SPMIP2: variants seen among roughly 807,000 people sequenced by gnomAD.
SPMIP2 encodes sperm microtubule inner protein 2.
chr4:159,034,909 A>C, the SPMIP2 span: 3 of 756,928 alleles, frequency 4.0e-6, no homozygotes, highest in Non-Finnish European at 6.3e-6. Flanking sequence ...AAACCCAAAA[A>C]ACAAACAAAA....
the SPMIP2 span, among the ~76,000 whole-genome samples, chr4:158,997,678 G>T: frequency 6.6e-6 from 1 of 152,008 alleles, no homozygotes; most frequent in Non-Finnish European, 1.5e-5. Context: ...TTAGAGACAG[G>T]GTCTCACTCT....
chr4:158,938,843 G>A, the SPMIP2 span, among the ~76,000 whole-genome samples: 1 of 152,188 alleles, frequency 6.6e-6, no homozygotes, highest in African/African-American at 2.4e-5. Context: ...AGCACATCAG[G>A]TTTTCTCCTG....
the SPMIP2 span, among the ~76,000 whole-genome samples, chr4:159,053,220 T>C: frequency 8.5e-5 from 13 of 152,096 alleles, no homozygotes; most frequent in African/African-American, 2.9e-4. Flanking sequence ...CCTCCCAAAG[T>C]GCTGGGATTA....
chr4:159,036,491 G>A, the SPMIP2 span, among the ~76,000 whole-genome samples: 1 of 152,162 alleles, frequency 6.6e-6, no homozygotes, highest in African/African-American at 2.4e-5. Flanking sequence ...AGGCTGTGTT[G>A]AGCCCTTACA....
chr4:158,985,737 C>T, the SPMIP2 span, among the ~76,000 whole-genome samples: 1 of 152,024 alleles, frequency 6.6e-6, no homozygotes, highest in East Asian at 1.9e-4. Flanking sequence ...ACAGGGATGC[C>T]CTCTCTCACC....
chr4:158,963,293 T>TTTTG, the SPMIP2 span, among the ~76,000 whole-genome samples: 1 of 152,002 alleles, frequency 6.6e-6, no homozygotes, highest in Non-Finnish European at 1.5e-5. Context: ...TTTGTTTTTT[T>TTTTG]TTTGTTTGTT....
chr4:158,932,362 G>T, the SPMIP2 span, among the ~76,000 whole-genome samples: 4 of 152,254 alleles, frequency 2.6e-5, no homozygotes, highest in Middle Eastern at 6.8e-3. Flanking sequence ...GCTACTTAGG[G>T]ATCAGCTGAG....
the SPMIP2 span, among the ~76,000 whole-genome samples, chr4:159,032,130 G>A: frequency 6.6e-6 from 1 of 152,002 alleles, no homozygotes; most frequent in East Asian, 1.9e-4. Flanking sequence ...GCTGAGGCAC[G>A]AGAATCACTT....
chr4:158,994,494 C>T, the SPMIP2 span, among the ~76,000 whole-genome samples: 2 of 152,134 alleles, frequency 1.3e-5, no homozygotes, highest in Non-Finnish European at 2.9e-5. Context: ...AGGATGAGAG[C>T]TCACAGTTAC....
chr4:159,082,841 G>C, the SPMIP2 span, among the ~76,000 whole-genome samples: 1 of 152,072 alleles, frequency 6.6e-6, no homozygotes, highest in Non-Finnish European at 1.5e-5. Flanking sequence ...CCAGCACTTT[G>C]GGAGGCTGAG....
chr4:159,066,567 G>A, the SPMIP2 span, among the ~76,000 whole-genome samples: 4 of 143,058 alleles, frequency 2.8e-5, no homozygotes, highest in African/African-American at 1.0e-4. Context: ...TATATGTATG[G>A]GATGACATAC....
chr4:159,070,477 C>T, the SPMIP2 span, among the ~76,000 whole-genome samples: 3 of 152,104 alleles, frequency 2.0e-5, no homozygotes, highest in African/African-American at 4.8e-5. Flanking sequence ...TAAGCTTTGA[C>T]CTACACAAAC....
At chr4:159,017,451 T>A in the SPMIP2 span, among the ~76,000 whole-genome samples, 1 of 152,016 alleles carries the variant, frequency 6.6e-6, no homozygotes, top group East Asian at 1.9e-4. Flanking sequence ...TCCAACAATT[T>A]TTTTTTTAAG....
chr4:159,059,468 G>A, the SPMIP2 span, among the ~76,000 whole-genome samples: 1 of 152,200 alleles, frequency 6.6e-6, no homozygotes, highest in East Asian at 1.9e-4. Context: ...CATCTCCTGG[G>A]CTCAAGCTGT....
the SPMIP2 span, among the ~76,000 whole-genome samples, chr4:158,901,678 TGTTC>T: frequency 1.3e-5 from 2 of 151,968 alleles, no homozygotes; most frequent in African/African-American, 2.4e-5. Flanking sequence ...TTGGAGGCTT[TGTTC>T]GTTTGTTTTC....
At chr4:158,903,641 A>G in the SPMIP2 span, among the ~76,000 whole-genome samples, 1 of 152,210 alleles carries the variant, frequency 6.6e-6, no homozygotes, top group African/African-American at 2.4e-5. Context: ...CAGTAGCACT[A>G]AAAGTACTAG....
chr4:159,021,905 T>G, the SPMIP2 span, among the ~76,000 whole-genome samples: 1 of 152,222 alleles, frequency 6.6e-6, no homozygotes. Context: ...TGGTGGATCT[T>G]GCGTTCTAAG....
the SPMIP2 span, among the ~76,000 whole-genome samples, chr4:158,952,912 C>A: frequency 1.3e-5 from 2 of 152,156 alleles, no homozygotes; most frequent in Non-Finnish European, 2.9e-5. Context: ...TTTAGCGTAT[C>A]TGGTGGAAGA....
At chr4:159,068,999 C>A in the SPMIP2 span, among the ~76,000 whole-genome samples, 1 of 152,090 alleles carries the variant, frequency 6.6e-6, no homozygotes, top group South Asian at 2.1e-4. Context: ...CCTAGAATTT[C>A]TTTTCTTCTA....
Sources: allele counts gnomAD v4.1 joint callset (sites outside exome capture counted in the v4.1 genomes callset), GRCh38; gene constraint gnomAD v4.1.1; transcripts MANE v1.5; gene names NCBI Gene and HGNC (gene_info 2026-07-23, HGNC 2026-07-21).